MTREX: variants seen among roughly 807,000 people sequenced by gnomAD.
MTREX encodes exosome RNA helicase MTR4.
In MTREX, 76 loss-of-function variants were observed where a neutral mutation model predicts 135.4. The ratio of observed to expected loss-of-function variants is 0.56; its 90% CI spans 0.47 to 0.68. The LOEUF is 0.68. Among genes scored for constraint, MTREX ranks in the 30% least tolerant of loss-of-function variants. The pLI, the probability that MTREX is intolerant of heterozygous loss-of-function variation, is 0.00. For missense variants in MTREX, 920 were observed against 1,262.1 expected, an observed-to-expected ratio of 0.73 and a Z score of 4.11; for synonymous variants, 404 against 401.6, an observed-to-expected ratio of 1.01 and a Z score of -0.07.
At chr5:55,380,237 G>C (rs1244799036) in intron 18 of MTREX, among the ~76,000 whole-genome samples, 1 of 152,112 alleles carries the variant, frequency 6.6e-6, no homozygotes, top group Non-Finnish European at 1.5e-5. Flanking sequence ...ACCACGCCCG[G>C]CCTGTTTCTT....
At chr5:55,310,544 G>T (rs1749095401) in intron 1 of MTREX, among the ~76,000 whole-genome samples, 1 of 151,992 alleles carries the variant, frequency 6.6e-6, no homozygotes, top group African/African-American at 2.4e-5. Context: ...GGAGGTGGAG[G>T]TTGCAGTGAG....
intron 9 of MTREX, 58 bp from the exon 10 acceptor site, chr5:55,345,036 A>G (rs2112062434): frequency 2.0e-6 from 2 of 1,022,050 alleles, no homozygotes; most frequent in East Asian, 4.9e-5. Flanking sequence ...TGTATGAAAA[A>G]TGTTTGAATT....
At position 55,361,870 on chromosome 5, in the gene MTREX, G is replaced by T. The variant is rs1750016591; in HGVS notation, c.1659+3172G>T. On this transcript the variant is annotated intron_variant, in intron 15 of 26. Transcript: ENST00000230640. ...AGCCTCCCAAGGTGCTAGGATTACGGGCGTGAGCCACCATACCCAGCCTTG... is the reference window on the plus strand; with the variant it reads ...AGCCTCCCAAGGTGCTAGGATTACGTGCGTGAGCCACCATACCCAGCCTTG... Among the ~76,000 whole-genome samples, 3 of 151,968 alleles carry T rather than the reference G, an allele frequency of 2.0e-5. No homozygotes were observed. The South Asian group carries it at 6.2e-4, about 32-fold the overall frequency.
intron 19 of MTREX, among the ~76,000 whole-genome samples, chr5:55,394,900 G>A (rs927194538): frequency 1.3e-5 from 2 of 151,902 alleles, no homozygotes; most frequent in African/African-American, 2.4e-5. Flanking sequence ...AGGCATGGTG[G>A]CAGGTGCCTG....
At chr5:55,417,516 ACAGAAAAGT>A (rs1276257346) in intron 25 of MTREX, among the ~76,000 whole-genome samples, 1 of 152,214 alleles carries the variant, frequency 6.6e-6, no homozygotes, top group Non-Finnish European at 1.5e-5. Flanking sequence ...ATCTCCATCC[ACAGAAAAGT>A]CATGCTTGGA....
intron 15 of MTREX, among the ~76,000 whole-genome samples, chr5:55,360,801 A>G (rs1235589465): frequency 6.6e-6 from 1 of 152,150 alleles, no homozygotes; most frequent in African/African-American, 2.4e-5. Context: ...TGGTTTTACT[A>G]TCATTAAGGA....
At chr5:55,332,750 A>G (rs995411466) in intron 5 of MTREX, among the ~76,000 whole-genome samples, 2 of 152,174 alleles carry the variant, frequency 1.3e-5, no homozygotes, top group African/African-American at 4.8e-5. Context: ...TCACCTCTTA[A>G]AGGCCCTACT....
chr5:55,351,932 CTG>C (rs1400070611), intron 13 of MTREX, among the ~76,000 whole-genome samples: 1 of 151,948 alleles, frequency 6.6e-6, no homozygotes. Flanking sequence ...AGCAGTTCTC[CTG>C]CCTCAGCCTC....
In MTREX at chr5:55,425,574, T is replaced by C. The variant is rs1235852504; in HGVS notation, c.*802T>C. On this transcript the variant is annotated 3_prime_UTR_variant, in exon 27 of 27. Transcript: ENST00000230640. Reference sequence around the variant, plus strand: ...TTGCCAATACTGAATAAAAGAGTTATTTCTACATGTGAATTAGTTTTTTCA... The same window carrying C: ...TTGCCAATACTGAATAAAAGAGTTACTTCTACATGTGAATTAGTTTTTTCA... 2.2e-6 allele frequency: 1 copy of C among 455,504 alleles called. No homozygotes were observed. Among genetic ancestry groups the C allele is most frequent in the East Asian group, 3.7e-5 (1 of 27,314 alleles). The allele number at this position is 455,504 out of a possible 1,614,324, so 28.2% of individuals were successfully genotyped here.
intron 13 of MTREX, among the ~76,000 whole-genome samples, chr5:55,352,041 G>GTTTTGTTTTTGT (rs756752881): frequency 6.6e-6 from 1 of 150,554 alleles, no homozygotes; most frequent in Non-Finnish European, 1.5e-5. Context: ...GTTTTGTTTT[G>GTTTTGTTTTTGT]TTTTGTTTTT....
chr5:55,361,516 T>G (rs566903569), intron 15 of MTREX, among the ~76,000 whole-genome samples: 1 of 152,300 alleles, frequency 6.6e-6, no homozygotes, highest in Admixed American at 6.5e-5. Context: ...TTTTCCTTCA[T>G]TTTTATGGCT....
intron 1 of MTREX, among the ~76,000 whole-genome samples, chr5:55,314,873 A>T (rs965912128): frequency 1.3e-5 from 2 of 152,160 alleles, no homozygotes; most frequent in South Asian, 4.1e-4. Flanking sequence ...AATTCTTCAC[A>T]TGTACAATTC....
At chr5:55,336,507 A>G (rs1189793917) in intron 5 of MTREX, among the ~76,000 whole-genome samples, 1 of 152,176 alleles carries the variant, frequency 6.6e-6, no homozygotes, top group Non-Finnish European at 1.5e-5. Context: ...TTAGCTTTTT[A>G]TTCTCTTAGT....
intron 16 of MTREX, among the ~76,000 whole-genome samples, chr5:55,371,404 T>G (rs753243024): frequency 2.6e-5 from 4 of 152,168 alleles, no homozygotes; most frequent in Non-Finnish European, 4.4e-5. Context: ...TATTATATAC[T>G]ATAAATATGT....
At position 55,405,523 on chromosome 5, in the gene MTREX, G is replaced by A. The variant is rs1178535811; in HGVS notation, c.2580G>A (p.Arg860=). ...AATGTCGCAAACGTGTTTTAAGAAG[G>A]TTGGGATTTGCTACTTCTTCTGATG... is the stretch of plus-strand genomic sequence containing the variant. ...ELKCRKRVLR[R]LGFATSSDVI... The change falls in exon 22 of 27, where the codon AGG becomes AGA. Residue 860 remains arginine (R), a synonymous_variant. Coordinates refer to ENST00000230640, the MANE Select transcript of MTREX (RefSeq NM_015360.5). 2.5e-6 allele frequency: 4 copies of A among 1,613,892 alleles called. No individual in the cohort carries two copies. The highest frequency in any genetic ancestry group is 3.4e-6 in the Non-Finnish European group (4 of 1,179,806).
At chr5:55,338,211 A>G (rs533939061) in intron 5 of MTREX, among the ~76,000 whole-genome samples, 6 of 152,132 alleles carry the variant, frequency 3.9e-5, no homozygotes, top group African/African-American at 1.4e-4. Context: ...TTTTTAATAA[A>G]TATTTCTTAC....
intron 1 of MTREX, among the ~76,000 whole-genome samples, chr5:55,317,767 A>T (rs1297093176): frequency 1.3e-5 from 2 of 152,242 alleles, no homozygotes; most frequent in African/African-American, 2.4e-5. Context: ...AAAAGCAAAA[A>T]TTGACAAATG....
At chr5:55,369,750 G>A (rs747917960) in intron 16 of MTREX, among the ~76,000 whole-genome samples, 8 of 152,034 alleles carry the variant, frequency 5.3e-5, no homozygotes, top group South Asian at 2.1e-4. Context: ...AAATATAACC[G>A]AAGTCAAGTC....
intron 23 of MTREX, among the ~76,000 whole-genome samples, chr5:55,413,706 T>C (rs542938104): frequency 1.3e-5 from 2 of 152,220 alleles, no homozygotes; most frequent in Non-Finnish European, 2.9e-5. Context: ...TTAGAACATC[T>C]GGGTAAAATA....
Sources: allele counts gnomAD v4.1 joint callset (sites outside exome capture counted in the v4.1 genomes callset), GRCh38; gene constraint gnomAD v4.1.1; transcripts MANE v1.5; gene names NCBI Gene and HGNC (gene_info 2026-07-23, HGNC 2026-07-21).